Variants in ENPP3 observed in about 807,000 individuals in gnomAD.
ENPP3 encodes the protein ectonucleotide pyrophosphatase/phosphodiesterase 3.
ENPP3 carries 104 observed loss-of-function variants against 117.8 expected under a neutral mutation model. The ratio of observed to expected loss-of-function variants is 0.88; its 90% CI spans 0.75 to 1.04. The LOEUF (loss-of-function observed/expected upper bound fraction) is 1.04, where lower values mean the gene tolerates loss of function less well. Ranked by LOEUF, ENPP3 falls within the 50% of genes least tolerant of loss-of-function variation. The pLI is 0.00. For synonymous variants in ENPP3, 380 were observed against 349.9 expected, an observed-to-expected ratio of 1.09 and a Z score of -0.96; for missense variants, 1,026 against 1,051.9, an observed-to-expected ratio of 0.98 and a Z score of 0.34.
At chr6:131,658,288 CA>C (rs1453796889) in intron 5 of ENPP3, 34 bp from the exon 6 acceptor site, 2 of 1,185,358 alleles carry the variant, frequency 1.7e-6, no homozygotes, top group Non-Finnish European at 2.5e-6. Flanking sequence ...TGTAGCTATC[CA>C]AAACAATGGA....
intron 23 of ENPP3, among the ~76,000 whole-genome samples, 185 bp downstream of exon 23, chr6:131,738,348 T>A (rs1415460956): frequency 2.0e-5 from 3 of 152,096 alleles, no homozygotes; most frequent in Non-Finnish European, 4.4e-5. Context: ...TTTAAACTAA[T>A]GGGCAAAGAA....
chr6:131,734,441 T>C (rs1780352088), intron 21 of ENPP3, among the ~76,000 whole-genome samples: 1 of 152,194 alleles, frequency 6.6e-6, no homozygotes, highest in Non-Finnish European at 1.5e-5. Flanking sequence ...AGATTTGTAA[T>C]TTAAAGATTC....
chr6:131,653,312 CT>C (rs57202650), intron 5 of ENPP3, among the ~76,000 whole-genome samples: 24,511 of 133,610 alleles, frequency 0.18, 4,228 homozygotes, highest in African/African-American at 0.51. Context: ...ATTTTTCTCT[CT>C]TTTTTTTTTT....
chr6:131,640,634 C>G (rs1778021856), intron 1 of ENPP3, among the ~76,000 whole-genome samples: 1 of 152,136 alleles, frequency 6.6e-6, no homozygotes, highest in Non-Finnish European at 1.5e-5. Flanking sequence ...GTGTCTGAAA[C>G]TATAACAAAG....
At chr6:131,725,022 A>C (rs1313318194) in intron 19 of ENPP3, among the ~76,000 whole-genome samples, 8 of 150,824 alleles carry the variant, frequency 5.3e-5, no homozygotes, top group African/African-American at 2.0e-4. Context: ...CAGCCTGGCC[A>C]ACATGGTGAA....
intron 2 of ENPP3, among the ~76,000 whole-genome samples, chr6:131,648,843 G>C (rs1778203416): frequency 2.0e-5 from 3 of 152,134 alleles, no homozygotes; most frequent in Admixed American, 1.3e-4. Context: ...CGCACAATAA[G>C]AACTACAGAA....
chr6:131,647,645 A>G (rs930631387), intron 2 of ENPP3, among the ~76,000 whole-genome samples: 6 of 152,198 alleles, frequency 3.9e-5, no homozygotes, highest in African/African-American at 1.2e-4. Context: ...CCTCCTCTAC[A>G]TATTATTTTG....
intron 11 of ENPP3, among the ~76,000 whole-genome samples, chr6:131,678,938 TTTCTTTC>T (rs1287195822): frequency 1.1e-5 from 1 of 89,910 alleles, no homozygotes; most frequent in Admixed American, 1.2e-4. Context: ...TCTTTCTTTC[TTTCTTTC>T]TTTCTTTCTT....
intron 6 of ENPP3, among the ~76,000 whole-genome samples, chr6:131,662,644 T>G (rs891576628): frequency 6.6e-6 from 1 of 152,246 alleles, no homozygotes; most frequent in African/African-American, 2.4e-5. Flanking sequence ...AGCTTTGATG[T>G]CTTCAGCTTT....
At chr6:131,668,254 C>T (rs1217543168) in intron 6 of ENPP3, among the ~76,000 whole-genome samples, 2 of 135,948 alleles carry the variant, frequency 1.5e-5, no homozygotes, top group Admixed American at 8.0e-5. Flanking sequence ...GCTCTGTCGC[C>T]GAGGCTGGAG....
intron 12 of ENPP3, among the ~76,000 whole-genome samples, chr6:131,684,656 C>A (rs1216672178): frequency 6.6e-6 from 1 of 151,418 alleles, no homozygotes; most frequent in Non-Finnish European, 1.5e-5. Context: ...TGCACTATAG[C>A]CTGGGCAACA....
intron 6 of ENPP3, among the ~76,000 whole-genome samples, chr6:131,670,933 A>T (rs1778726307): frequency 6.6e-6 from 1 of 152,158 alleles, no homozygotes; most frequent in Non-Finnish European, 1.5e-5. Context: ...TTGTCTATGG[A>T]TGCTTTGGGG....
At chr6:131,745,721 G>T (rs886143537) in intron 24 of ENPP3, among the ~76,000 whole-genome samples, 5 of 152,170 alleles carry the variant, frequency 3.3e-5, no homozygotes, top group Non-Finnish European at 7.4e-5. Context: ...CCACGGTTTG[G>T]CAAAGATGTG....
At chr6:131,694,001 T>C (rs1779347680) in intron 15 of ENPP3, among the ~76,000 whole-genome samples, 1 of 152,252 alleles carries the variant, frequency 6.6e-6, no homozygotes, top group African/African-American at 2.4e-5. Flanking sequence ...GTCATCTTTG[T>C]GGTTTTTATA....
chr6:131,715,209 G>T (rs1481395672), intron 15 of ENPP3, among the ~76,000 whole-genome samples: 4 of 151,750 alleles, frequency 2.6e-5, no homozygotes, highest in Non-Finnish European at 5.9e-5. Context: ...TTTAGCCAGC[G>T]CCAGCTTGAT....
chr6:131,654,438 C>T (rs1432519179), intron 5 of ENPP3, among the ~76,000 whole-genome samples: 1 of 151,938 alleles, frequency 6.6e-6, no homozygotes, highest in Non-Finnish European at 1.5e-5. Flanking sequence ...ACTGTGCTGG[C>T]CAGTGGAGGC....
chr6:131,663,803 C>T (rs923349677), intron 6 of ENPP3, among the ~76,000 whole-genome samples: 4 of 152,066 alleles, frequency 2.6e-5, no homozygotes, highest in African/African-American at 7.2e-5. Context: ...AAACCTACTG[C>T]ACTGCCAGTC....
intron 1 of ENPP3, among the ~76,000 whole-genome samples, chr6:131,639,703 T>C (rs182928494): frequency 2.6e-5 from 4 of 152,166 alleles, no homozygotes; most frequent in African/African-American, 4.8e-5. Flanking sequence ...CTCTCAGCAG[T>C]TTTTGATGTT....
At chr6:131,659,784 T>A (rs1471150008) in intron 6 of ENPP3, among the ~76,000 whole-genome samples, 1 of 152,216 alleles carries the variant, frequency 6.6e-6, no homozygotes, top group Non-Finnish European at 1.5e-5. Flanking sequence ...TCCTAGAAAG[T>A]TAACTAACAC....
Sources: gnomAD v4.1 joint callset for allele counts (sites outside exome capture counted in the v4.1 genomes callset) on GRCh38, gnomAD v4.1.1 for gene constraint, MANE v1.5 for transcripts, NCBI Gene and HGNC (gene_info 2026-07-23, HGNC 2026-07-21) for gene names.